The following FN3K variants were observed in gnomAD, a reference collection of about 807,000 sequenced individuals.
FN3K encodes the protein fructosamine 3 kinase.
A neutral mutation model predicts 24.8 loss-of-function variants in FN3K; 24 were observed. That is an observed-to-expected ratio of 0.97 (90% CI 0.70 to 1.36). FN3K has a LOEUF of 1.36. Ranked by LOEUF, FN3K falls within the 40% of genes most tolerant of loss-of-function variation. The pLI is 0.00. For synonymous variants in FN3K, 192 were observed against 175.2 expected, an observed-to-expected ratio of 1.10 and a Z score of -0.76; for missense variants, 449 against 416.7, an observed-to-expected ratio of 1.08 and a Z score of -0.67.
intron 4 of FN3K, among the ~76,000 whole-genome samples, chr17:82,747,861 C>A (rs2046977165): frequency 6.6e-6 from 1 of 152,324 alleles, no homozygotes; most frequent in South Asian, 2.1e-4. Context: ...TTTTATTTAA[C>A]CCTAATTACC....
chr17:82,740,394 C>T (rs1290009598), intron 2 of FN3K, among the ~76,000 whole-genome samples: 4 of 136,178 alleles, frequency 2.9e-5, no homozygotes, highest in African/African-American at 8.3e-5. Context: ...TTTGGAAAGC[C>T]GAGGCAGGAG....
chr17:82,738,576 A>G lies in FN3K; in HGVS notation c.229A>G (p.Ile77Val). Residue 77 changes from isoleucine (I) to valine (V), a missense_variant, in exon 2 of 6, where the codon ATC becomes GTC. Coordinates refer to ENST00000300784, the MANE Select transcript of FN3K (RefSeq NM_022158.4). ...LVRVPRPMKV[I>V]DLPGGGAAFV... The stretch of plus-strand genomic sequence containing the variant: ...GCGGGTGCCGAGGCCCATGAAGGTC[A>G]TCGACCTGCCGGGAGGTGGGGCCGC... 1 of 1,614,016 alleles carries G rather than the reference A, an allele frequency of 6.2e-7. No homozygotes were observed. Among genetic ancestry groups the G allele is most frequent in the Non-Finnish European group, 8.5e-7 (1 of 1,179,984 alleles).
chr17:82,737,576 C>A (rs1465543764), intron 1 of FN3K: 3 of 152,266 alleles, frequency 2.0e-5, no homozygotes, highest in Non-Finnish European at 2.9e-5. Context: ...CCCACCCCGG[C>A]CTCCCAAAGT....
At chr17:82,738,662 A>G (rs754084301) in intron 2 of FN3K, 22 bp downstream of exon 2, 1 of 1,612,996 alleles carries the variant, frequency 6.2e-7, no homozygotes, top group Non-Finnish European at 8.5e-7. Context: ...TGAGACCCAT[A>G]TGCGCACATG....
At chr17:82,741,245 C>T in intron 3 of FN3K, 66 bp from the exon 4 acceptor site, 1 of 1,434,258 alleles carries the variant, frequency 7.0e-7, no homozygotes, top group Non-Finnish European at 9.7e-7. Flanking sequence ...TACTGATGCT[C>T]TGCTGAGGTC....
At position 82,735,807 on chromosome 17, in the gene FN3K, G is replaced by C. The variant is rs535009212; in HGVS notation, c.141+30G>C. The stretch of plus-strand genomic sequence containing the variant: ...TGGCCCGTGCGCAGGCGGGGGCTCT[G>C]CGGGTCTCTGCGGGGCCTGGGAAGG... On this transcript the variant is annotated intron_variant, in intron 1 of 5. Transcript: ENST00000300784. 1.5e-3 allele frequency: 2,368 copies of C among 1,545,562 alleles called. 8 individuals carry two copies. Among genetic ancestry groups the C allele is most frequent in the Non-Finnish European group, 2.0e-3 (2,246 of 1,146,362 alleles).
chr17:82,736,007 G>A (rs1283849477), intron 1 of FN3K: 24 of 562,772 alleles, frequency 4.3e-5, no homozygotes, highest in Non-Finnish European at 6.1e-5. Flanking sequence ...AGGCTTCTAG[G>A]GGTGGTTTTA....
chr17:82,743,003 C>T (rs1285906550), intron 4 of FN3K, among the ~76,000 whole-genome samples: 1 of 152,096 alleles, frequency 6.6e-6, no homozygotes, highest in Non-Finnish European at 1.5e-5. Flanking sequence ...CATCTGGGCT[C>T]GCTAGAACTG....
intron 4 of FN3K, among the ~76,000 whole-genome samples, chr17:82,748,142 C>CTTTTTTTTT (rs145352692): frequency 1.4e-5 from 2 of 141,872 alleles, no homozygotes; most frequent in Non-Finnish European, 3.1e-5. Flanking sequence ...CTCTAGCTTT[C>CTTTTTTTTT]TTTTTTTTTT....
chr17:82,744,788 G>A (rs2046959220), intron 4 of FN3K, among the ~76,000 whole-genome samples: 1 of 152,172 alleles, frequency 6.6e-6, no homozygotes, highest in South Asian at 2.1e-4. Context: ...AGACAAACAT[G>A]TGAACAAAGG....
At chr17:82,740,976 C>T (rs1231711987) in intron 3 of FN3K, 122 bp downstream of exon 3, 6 of 724,138 alleles carry the variant, frequency 8.3e-6, no homozygotes, top group Middle Eastern at 3.6e-4. Context: ...TCTGTCTTTA[C>T]ACTACATTAT....
intron 2 of FN3K, among the ~76,000 whole-genome samples, chr17:82,739,949 G>T (rs975893711): frequency 2.6e-5 from 4 of 151,870 alleles, no homozygotes; most frequent in African/African-American, 9.7e-5. Context: ...TGTCGCCCAG[G>T]CTGGAGTGCA....
intron 1 of FN3K, among the ~76,000 whole-genome samples, chr17:82,737,247 T>A (rs2046907860): frequency 6.6e-6 from 1 of 152,174 alleles, no homozygotes; most frequent in African/African-American, 2.4e-5. Flanking sequence ...TTTGATTTTT[T>A]TAAACATGCA....
At chr17:82,742,960 G>A (rs953300123) in intron 4 of FN3K, among the ~76,000 whole-genome samples, 1 of 152,156 alleles carries the variant, frequency 6.6e-6, no homozygotes, top group Non-Finnish European at 1.5e-5. Flanking sequence ...AGCCCAAGCA[G>A]ATTTAGGGTT....
At chr17:82,748,255 C>T (rs2046979855) in intron 4 of FN3K, among the ~76,000 whole-genome samples, 1 of 151,370 alleles carries the variant, frequency 6.6e-6, no homozygotes, top group South Asian at 2.1e-4. Flanking sequence ...TCAAGCGATT[C>T]TCCTACGTCA....
At chr17:82,744,356 C>G (rs2046956713) in intron 4 of FN3K, among the ~76,000 whole-genome samples, 1 of 152,176 alleles carries the variant, frequency 6.6e-6, no homozygotes, top group Non-Finnish European at 1.5e-5. Context: ...GATGTTTGTA[C>G]CTGTGAACCT....
intron 2 of FN3K, among the ~76,000 whole-genome samples, chr17:82,739,455 A>ATTTT (rs527397353): frequency 6.0e-5 from 6 of 100,236 alleles, no homozygotes; most frequent in Non-Finnish European, 1.0e-4. Context: ...TCACGCAGCT[A>ATTTT]TTTTTTTTTT....
chr17:82,739,944 C>T (rs993573092), intron 2 of FN3K, among the ~76,000 whole-genome samples: 4 of 151,996 alleles, frequency 2.6e-5, no homozygotes, highest in African/African-American at 9.7e-5. Context: ...TACTCTGTCG[C>T]CCAGGCTGGA....
In FN3K at chr17:82,750,860, GTCTCCCCGTCCCTCCGTCTCCA is replaced by G. The variant is rs1489586663; in HGVS notation, c.*108_*129del. On this transcript the variant is annotated 3_prime_UTR_variant, in exon 6 of 6. Coordinates refer to ENST00000300784, the MANE Select transcript of FN3K (RefSeq NM_022158.4). ...CCCCCGTCCCTGTCCCCCTGTTCCC[GTCTCCCCGTCCCTCCGTCTCCA>G]TCCCCCCGTCCCCCCATCCTCCTGT... 7.6e-5 allele frequency: 55 copies of G among 721,452 alleles called. No homozygotes were observed. Among genetic ancestry groups the G allele is most frequent in the Non-Finnish European group, 1.0e-4 (51 of 488,348 alleles). 44.7% of individuals were successfully genotyped at this position (721,452 alleles called of 1,614,324 possible). A position where few individuals can be genotyped will look rare whatever the true frequency, so the allele number is the denominator to read the frequency against.
Sources: gnomAD v4.1 joint callset for allele counts (sites outside exome capture counted in the v4.1 genomes callset) on GRCh38, gnomAD v4.1.1 for gene constraint, MANE v1.5 for transcripts, NCBI Gene and HGNC (gene_info 2026-07-23, HGNC 2026-07-21) for gene names.